Variants in CCDC88A observed in about 807,000 individuals in gnomAD.
The protein encoded by CCDC88A is coiled-coil and HOOK domain protein 88A.
Under a neutral mutation model 234.3 loss-of-function variants are expected in CCDC88A, and 54 were observed. That is an observed-to-expected ratio of 0.23 (90% confidence interval 0.19 to 0.29). CCDC88A has a LOEUF of 0.29. Ranked by LOEUF, CCDC88A falls within the 10% of genes least tolerant of loss-of-function variation. CCDC88A has a pLI of 1.00. For synonymous variants in CCDC88A, 753 were observed against 737.8 expected, an observed-to-expected ratio of 1.02 and a Z score of -0.33; for missense variants, 1,832 against 2,123.4, an observed-to-expected ratio of 0.86 and a Z score of 2.70.
intron 2 of CCDC88A, among the ~76,000 whole-genome samples, chr2:55,396,388 ATGAC>A (rs1677551504): frequency 6.6e-6 from 1 of 152,076 alleles, no homozygotes; most frequent in African/African-American, 2.4e-5. Context: ...CCTCTCATCT[ATGAC>A]TGTCTCCTAT....
chr2:55,418,920 GAACAA>G lies in CCDC88A; in HGVS notation c.64-9_64-5del, dbSNP rs1190556621. The G allele has an allele frequency of 1.9e-6, 3 of 1,612,518 alleles. No homozygotes were observed. Among genetic ancestry groups the G allele is most frequent in the East Asian group, 4.5e-5 (2 of 44,874 alleles). ...CCAGAGGTCCAAACGTTTTAACCTA[GAACAA>G]ACAGAAGGATCACCACGACATGAAC... On this transcript the variant is annotated splice_polypyrimidine_tract_variant and splice_region_variant and intron_variant, in intron 1 of 32. Transcript: ENST00000436346.
rs542706563 is a variant in CCDC88A at position 55,415,240 on chromosome 2, A to C, written c.164+3576T>G. On this transcript the variant is annotated intron_variant, in intron 2 of 32. Transcript: ENST00000436346. ...TAGGGTGGGAGGATGGCCTGACCCC[A>C]GGAGTTTGAGGCCATAATGCACTAT... Among the ~76,000 whole-genome samples, 18 of 152,178 alleles carry C rather than the reference A, an allele frequency of 1.2e-4. No individual in the cohort carries two copies. In the South Asian group the frequency reaches 1.5e-3, roughly 12 times the overall value.
At chr2:55,325,075 T>C (rs1340082634) in intron 17 of CCDC88A, among the ~76,000 whole-genome samples, 1 of 152,260 alleles carries the variant, frequency 6.6e-6, no homozygotes, top group Non-Finnish European at 1.5e-5. Flanking sequence ...AATATTTCCA[T>C]ATAAATTTTA....
chr2:55,357,682 G>A (rs1490491232), intron 7 of CCDC88A, among the ~76,000 whole-genome samples: 5 of 151,958 alleles, frequency 3.3e-5, no homozygotes, highest in Non-Finnish European at 5.9e-5. Context: ...ATTTCTCATC[G>A]CCAAGTCTTA....
chr2:55,306,601 T>C (rs1681597884), intron 25 of CCDC88A, among the ~76,000 whole-genome samples: 1 of 152,204 alleles, frequency 6.6e-6, no homozygotes, highest in Non-Finnish European at 1.5e-5. Flanking sequence ...ATTTAATTTT[T>C]TTGAGACAAA....
chr2:55,344,890 G>A (rs1668906260), intron 10 of CCDC88A, among the ~76,000 whole-genome samples: 1 of 152,062 alleles, frequency 6.6e-6, no homozygotes, highest in Admixed American at 6.5e-5. Flanking sequence ...CTCTGTACTT[G>A]GAGCTATAAC....
intron 2 of CCDC88A, among the ~76,000 whole-genome samples, chr2:55,410,907 AT>A (rs1333855338): frequency 1.4e-5 from 2 of 147,068 alleles, no homozygotes; most frequent in African/African-American, 4.9e-5. Context: ...AAAAAAAAAA[AT>A]TATTAAACTA....
At chr2:55,300,898 C>T (rs1680821183) in intron 28 of CCDC88A, 3 of 231,960 alleles carry the variant, frequency 1.3e-5, no homozygotes. Flanking sequence ...CATTTTAAAC[C>T]AATGGTAAAA....
chr2:55,390,053 A>AAAAAAAAG (rs377022377), intron 2 of CCDC88A, among the ~76,000 whole-genome samples: 2,736 of 79,522 alleles, frequency 0.034, 557 homozygotes, highest in East Asian at 0.053. Context: ...AAAAAAATAA[A>AAAAAAAAG]AAATAAAGAT....
At chr2:55,315,130 G>T (rs1682826617) in intron 22 of CCDC88A, 1 of 152,128 alleles carries the variant, frequency 6.6e-6, no homozygotes, top group African/African-American at 2.4e-5. Context: ...TCTGTTACTT[G>T]CCCCAACCAA....
intron 3 of CCDC88A, 28 bp from the exon 4 acceptor site, chr2:55,374,911 T>C (rs1558767158): frequency 1.5e-6 from 2 of 1,372,320 alleles, no homozygotes; most frequent in East Asian, 2.3e-5. Context: ...ACACTTGTTA[T>C]ATGGGTAATG....
At chr2:55,398,977 C>T (rs981350379) in intron 2 of CCDC88A, among the ~76,000 whole-genome samples, 3 of 151,890 alleles carry the variant, frequency 2.0e-5, no homozygotes, top group Admixed American at 6.6e-5. Context: ...TTAGTAGCTT[C>T]GGAAAAATAA....
intron 4 of CCDC88A, among the ~76,000 whole-genome samples, chr2:55,374,156 C>T (rs1195844014): frequency 1.3e-5 from 2 of 152,136 alleles, no homozygotes; most frequent in African/African-American, 4.8e-5. Context: ...GGCAGATCAC[C>T]TGAGGTCAGG....
At chr2:55,366,996 G>C (rs1366231234) in intron 5 of CCDC88A, among the ~76,000 whole-genome samples, 1 of 152,014 alleles carries the variant, frequency 6.6e-6, no homozygotes, top group African/African-American at 2.4e-5. Context: ...AAAAAATGGA[G>C]GCAACTCAAG....
At chr2:55,413,926 C>G (rs140254584) in intron 2 of CCDC88A, among the ~76,000 whole-genome samples, 1 of 150,658 alleles carries the variant, frequency 6.6e-6, no homozygotes, top group African/African-American at 2.4e-5. Flanking sequence ...CACTCCAGCC[C>G]GGGCAACAGA....
intron 18 of CCDC88A, among the ~76,000 whole-genome samples, chr2:55,319,734 A>G (rs1683392161): frequency 6.6e-6 from 1 of 152,148 alleles, no homozygotes; most frequent in African/African-American, 2.4e-5. Flanking sequence ...ATGTGAATCA[A>G]TGATTATTAT....
intron 18 of CCDC88A, among the ~76,000 whole-genome samples, chr2:55,321,612 G>C (rs1574096426): frequency 6.6e-6 from 1 of 151,908 alleles, no homozygotes. Context: ...GTAAATTATG[G>C]TAACATTCAC....
At chr2:55,385,817 C>T (rs899398406) in intron 3 of CCDC88A, among the ~76,000 whole-genome samples, 1 of 118,380 alleles carries the variant, frequency 8.4e-6, no homozygotes, top group Non-Finnish European at 1.6e-5. Flanking sequence ...TGCACCATTG[C>T]ACTCCAGCCT....
intron 2 of CCDC88A, among the ~76,000 whole-genome samples, chr2:55,398,651 G>A (rs1210143678): frequency 6.6e-6 from 1 of 151,662 alleles, no homozygotes; most frequent in African/African-American, 2.4e-5. Flanking sequence ...GATGGCTTAC[G>A]CCTGTAATCC....
Sources: allele counts gnomAD v4.1 joint callset (sites outside exome capture counted in the v4.1 genomes callset), GRCh38; gene constraint gnomAD v4.1.1; transcripts MANE v1.5; gene names NCBI Gene and HGNC (gene_info 2026-07-23, HGNC 2026-07-21).